Variants in BRINP3 observed in about 807,000 individuals in gnomAD.
BRINP3 encodes the protein BMP/retinoic acid inducible neural specific 3.
BRINP3 carries 19 observed loss-of-function variants against 71.0 expected under a neutral mutation model. The ratio of observed to expected loss-of-function variants is 0.27; its 90% confidence interval spans 0.19 to 0.39. BRINP3 has a LOEUF of 0.39. Ranked by LOEUF, BRINP3 falls within the 10% of genes least tolerant of loss-of-function variation. The pLI is 1.00. For synonymous variants in BRINP3, 380 were observed against 337.7 expected (o/e 1.13, Z -1.37); for missense variants, 959 against 940.8 (o/e 1.02, Z -0.25).
At chr1:190,105,727 G>A (rs1025557594) in intron 7 of BRINP3, among the ~76,000 whole-genome samples, 2 of 151,904 alleles carry the variant, frequency 1.3e-5, no homozygotes, top group African/African-American at 4.8e-5. Flanking sequence ...GGTGTACACA[G>A]AAAAATGTGC....
At chr1:190,111,161 G>A in intron 7 of BRINP3, among the ~76,000 whole-genome samples, 1 of 136,046 alleles carries the variant, frequency 7.4e-6, no homozygotes. Context: ...CGGGAGCCTG[G>A]GCGACAGAGC....
rs905257375 is a variant in BRINP3, at chr1:190,385,525, A to T, written c.236+69130T>A. ...TCAGAGAAATGCAAATCAAAACCAC[A>T]ATGAGATACCATCTCACACCAGTTA... is the stretch of plus-strand genomic sequence containing the variant. On this transcript the variant is annotated intron_variant, in intron 2 of 7. Transcript: ENST00000367462. 1.9e-3 allele frequency among the ~76,000 whole-genome samples: 294 copies of T among 151,992 alleles called. 6 individuals carry two copies. Among genetic ancestry groups the T allele is most frequent in the Non-Finnish European group, 8.7e-4 (59 of 67,914 alleles).
At chr1:190,241,186 T>G (rs1212628240) in intron 4 of BRINP3, among the ~76,000 whole-genome samples, 1 of 152,044 alleles carries the variant, frequency 6.6e-6, no homozygotes, top group Non-Finnish European at 1.5e-5. Flanking sequence ...GGGAACCTCT[T>G]GAAGAAAATG....
intron 6 of BRINP3, among the ~76,000 whole-genome samples, chr1:190,200,152 A>G (rs1654875240): frequency 1.3e-5 from 2 of 152,034 alleles, no homozygotes; most frequent in African/African-American, 2.4e-5. Context: ...TGCCTTATTT[A>G]TATTGGAATT....
intron 2 of BRINP3, among the ~76,000 whole-genome samples, chr1:190,359,112 TA>T (rs1485905941): frequency 1.3e-5 from 2 of 152,078 alleles, no homozygotes; most frequent in African/African-American, 4.8e-5. Flanking sequence ...TATACATATG[TA>T]ACAAACTTGC....
chr1:190,311,558 A>C (rs1331545982), intron 2 of BRINP3, among the ~76,000 whole-genome samples: 3 of 151,674 alleles, frequency 2.0e-5, no homozygotes, highest in Non-Finnish European at 4.4e-5. Flanking sequence ...ATTAATAAAA[A>C]TTTGATCATA....
chr1:190,206,793 T>G (rs1655539104), intron 6 of BRINP3, among the ~76,000 whole-genome samples: 1 of 152,088 alleles, frequency 6.6e-6, no homozygotes, highest in Admixed American at 6.6e-5. Flanking sequence ...CATCTTTTCA[T>G]TTCTAAGATA....
chr1:190,395,038 A>C (rs770086460), intron 2 of BRINP3, among the ~76,000 whole-genome samples: 35 of 151,712 alleles, frequency 2.3e-4, no homozygotes, highest in Non-Finnish European at 8.9e-5. Flanking sequence ...ATAAAATTAA[A>C]GTAGATTGTG....
intron 2 of BRINP3, among the ~76,000 whole-genome samples, chr1:190,287,212 C>A (rs375500801): frequency 6.6e-6 from 1 of 152,006 alleles, no homozygotes; most frequent in South Asian, 2.1e-4. Flanking sequence ...GGCCGCAGAG[C>A]GAGACTCCAT....
chr1:190,449,818 G>A (rs1675486239), intron 2 of BRINP3, among the ~76,000 whole-genome samples: 2 of 152,028 alleles, frequency 1.3e-5, no homozygotes, highest in African/African-American at 4.8e-5. Flanking sequence ...AAGTCCAGGG[G>A]AAACAACATT....
In BRINP3 at chr1:190,317,170, TCAAAAAA is replaced by T. The variant is rs761310039; in HGVS notation, c.237-35427_237-35421del. Among the ~76,000 whole-genome samples the T allele has an allele frequency of 1.6e-4, 15 of 96,314 alleles. No individual in the cohort carries two copies. The East Asian group carries it at 5.0e-3, about 32-fold the overall frequency. 63.2% of individuals were successfully genotyped at this position (96,314 alleles called of 152,430 possible). A position where few individuals can be genotyped will look rare whatever the true frequency, so the allele number is the denominator to read the frequency against. On this transcript the variant is annotated intron_variant, in intron 2 of 7. Transcript: ENST00000367462. ...GTGGGTGGCTGAGCGAGAGTCCATC[TCAAAAAA>T]AAAAAAAAAAAAAAAGTCTCTAAAA...
intron 2 of BRINP3, among the ~76,000 whole-genome samples, chr1:190,301,204 C>CATATATATATATATATATATAT (rs369121473): frequency 3.8e-5 from 4 of 106,342 alleles, no homozygotes; most frequent in Admixed American, 2.2e-4. Flanking sequence ...TATACACATA[C>CATATATATATATATATATATAT]ATATATATAT....
At chr1:190,199,771 G>A (rs368432120) in intron 6 of BRINP3, among the ~76,000 whole-genome samples, 191 of 123,210 alleles carry the variant, frequency 1.6e-3, no homozygotes, top group South Asian at 2.2e-3. Flanking sequence ...CAAGGCATAG[G>A]AAAAAAAAAA....
chr1:190,109,154 A>G (rs548957057), intron 7 of BRINP3, among the ~76,000 whole-genome samples: 1 of 152,182 alleles, frequency 6.6e-6, no homozygotes, highest in East Asian at 1.9e-4. Context: ...TTTATCATGT[A>G]TTGTCTTTTG....
At chr1:190,414,050 A>G (rs1461713233) in intron 2 of BRINP3, among the ~76,000 whole-genome samples, 1 of 152,054 alleles carries the variant, frequency 6.6e-6, no homozygotes, top group African/African-American at 2.4e-5. Context: ...GCAGTCTTGA[A>G]GTCCTGGGCT....
intron 2 of BRINP3, among the ~76,000 whole-genome samples, chr1:190,298,803 A>C (rs1664449735): frequency 6.6e-6 from 1 of 152,106 alleles, no homozygotes; most frequent in African/African-American, 2.4e-5. Flanking sequence ...AGTTCTATAT[A>C]TATATATTGA....
At chr1:190,319,449 G>GT (rs1666094756) in intron 2 of BRINP3, among the ~76,000 whole-genome samples, 1 of 151,962 alleles carries the variant, frequency 6.6e-6, no homozygotes, top group Non-Finnish European at 1.5e-5. Flanking sequence ...TTCTGTATTA[G>GT]TTCATTCTTG....
chr1:190,212,896 T>A (rs1855238), intron 6 of BRINP3, among the ~76,000 whole-genome samples: 1 of 151,948 alleles, frequency 6.6e-6, no homozygotes, highest in South Asian at 2.1e-4. Flanking sequence ...TTGATTATAT[T>A]ATTTTAAGAT....
chr1:190,099,003 A>G lies in BRINP3; in HGVS notation c.1316T>C (p.Leu439Pro). ...AGAGGCGTCTCCCACTGTGCAGGGCAGGAACGCGGTGCAGACCACCTGGTC... is the reference window on the plus strand; with the variant it reads ...AGAGGCGTCTCCCACTGTGCAGGGCGGGAACGCGGTGCAGACCACCTGGTC... ...PNDQVVCTAF[L>P]PCTVGDASAC... Residue 439 changes from leucine (L) to proline (P), a missense_variant, in exon 8 of 8, where the codon CTG (leucine) becomes CCG (proline). Transcript: ENST00000367462. 6.2e-7 allele frequency: 1 copy of G among 1,614,182 alleles called. No individual in the cohort carries two copies.
Sources: allele counts gnomAD v4.1 joint callset (sites outside exome capture counted in the v4.1 genomes callset), GRCh38; gene constraint gnomAD v4.1.1; transcripts MANE v1.5; gene names NCBI Gene and HGNC (gene_info 2026-07-23, HGNC 2026-07-21).